The following PCDHA11 variants were observed in gnomAD, a reference collection of about 807,000 sequenced individuals.
The protein encoded by PCDHA11 is protocadherin alpha-11.
A neutral mutation model predicts 70.3 loss-of-function variants in PCDHA11; 61 were observed. The observed-to-expected ratio is 0.87, with a 90% confidence interval of 0.71 to 1.07. The LOEUF (loss-of-function observed/expected upper bound fraction) is 1.07. Among genes scored for constraint, PCDHA11 ranks in the 50% least tolerant of loss-of-function variants. The pLI, the probability that PCDHA11 is intolerant of heterozygous loss-of-function variation, is 0.00. For synonymous variants in PCDHA11, 633 were observed against 555.1 expected, an observed-to-expected ratio of 1.14 and a Z score of -1.97; for missense variants, 1,324 against 1,237.5, an observed-to-expected ratio of 1.07 and a Z score of -1.05.
At chr5:140,941,505 C>T (rs536733497) in intron 1 of PCDHA11, among the ~76,000 whole-genome samples, 11 of 151,390 alleles carry the variant, frequency 7.3e-5, no homozygotes, top group East Asian at 1.9e-4. Flanking sequence ...TTAGTAGAGA[C>T]GAGGTTTCAC....
At chr5:140,948,321 T>C (rs922752818) in intron 1 of PCDHA11, among the ~76,000 whole-genome samples, 7 of 151,748 alleles carry the variant, frequency 4.6e-5, no homozygotes, top group South Asian at 4.1e-4. Flanking sequence ...AGGGGTAATG[T>C]TTTCATTAGG....
At chr5:140,983,104 T>C (rs907787884) in intron 3 of PCDHA11, among the ~76,000 whole-genome samples, 3 of 152,234 alleles carry the variant, frequency 2.0e-5, no homozygotes, top group Admixed American at 1.3e-4. Flanking sequence ...TGCTTCTCTC[T>C]GCACATCAAC....
Position 140,967,279 on chromosome 5 carries a change from T to G in PCDHA11, c.2392-11670T>G, listed in dbSNP as rs184476796. The G allele has an allele frequency of 7.8e-5, 126 of 1,613,002 alleles. 1 individual carries two copies. The East Asian group carries it at 2.6e-3, about 34-fold the overall frequency. On this transcript the variant is annotated intron_variant, in intron 1 of 3. Coordinates refer to ENST00000398640, the MANE Select transcript of PCDHA11 (RefSeq NM_018902.5). ...CTGGAGCGCGCTTTCACATAGAGAGTGCGCAGGACCCCGACGTGGGCGCCA... is the reference window on the plus strand; with the variant it reads ...CTGGAGCGCGCTTTCACATAGAGAGGGCGCAGGACCCCGACGTGGGCGCCA...
chr5:140,946,611 A>AATATATATATATATATATAT lies in PCDHA11; in HGVS notation c.2392-32336_2392-32317dup, dbSNP rs1554217734. On this transcript the variant is annotated intron_variant, in intron 1 of 3. Transcript: ENST00000398640. ...GGATGAATAGATAAAGAAAATGTGA[A>AATATATATATATATATATAT]ATATATATATATATATATATACAAT... Among the ~76,000 whole-genome samples the AATATATATATATATATATAT allele has an allele frequency of 2.4e-3, 212 of 86,734 alleles. 8 individuals carry two copies. Among genetic ancestry groups the AATATATATATATATATATAT allele is most frequent in the Middle Eastern group, 0.011 (2 of 186 alleles). The allele number at this position is 86,734 out of a possible 152,430, so 56.9% of individuals were successfully genotyped here.
At chr5:140,969,385 C>A in intron 1 of PCDHA11, 1 of 1,598,120 alleles carries the variant, frequency 6.3e-7, no homozygotes, top group East Asian at 2.2e-5. Context: ...TTACACATCC[C>A]CCAATATCCT....
At chr5:140,922,661 T>C (rs1255153267) in intron 1 of PCDHA11, among the ~76,000 whole-genome samples, 2 of 152,156 alleles carry the variant, frequency 1.3e-5, no homozygotes, top group African/African-American at 4.8e-5. Context: ...ATGGCTATAC[T>C]GCAAGCAGTA....
chr5:140,963,680 T>G (rs1482854996), intron 1 of PCDHA11, among the ~76,000 whole-genome samples: 1 of 152,238 alleles, frequency 6.6e-6, no homozygotes, highest in African/African-American at 2.4e-5. Context: ...TTAAATGTGT[T>G]TATCCGTGTT....
At chr5:140,912,061 C>T (rs1321149990) in intron 1 of PCDHA11, among the ~76,000 whole-genome samples, 2 of 152,162 alleles carry the variant, frequency 1.3e-5, no homozygotes, top group Non-Finnish European at 2.9e-5. Context: ...AACTTGGAGT[C>T]CAATGTTCAA....
chr5:140,967,925 C>T, intron 1 of PCDHA11: 1 of 1,614,224 alleles, frequency 6.2e-7, no homozygotes, highest in South Asian at 1.1e-5. Context: ...TGTGGCCGTT[C>T]TCAGTGTCAA....
At position 140,943,494 on chromosome 5, in the gene PCDHA11, A is replaced by G. The variant is rs1046059269; in HGVS notation, c.2392-35455A>G. ...TACAGTAAAATAATAAATAGATGCT[A>G]TCAAGGTTCATGGAAATGTTGAGTT... is the stretch of plus-strand genomic sequence containing the variant. On this transcript the variant is annotated intron_variant, in intron 1 of 3. Transcript: ENST00000398640. Among the ~76,000 whole-genome samples, 4 of 152,132 alleles carry G rather than the reference A, an allele frequency of 2.6e-5. No homozygotes were observed. The East Asian group carries it at 5.8e-4, about 22-fold the overall frequency.
At chr5:140,928,809 G>A (rs1563109634) in intron 1 of PCDHA11, 2 of 1,614,078 alleles carry the variant, frequency 1.2e-6, no homozygotes, top group African/African-American at 2.7e-5. Flanking sequence ...TAGTGGTTCG[G>A]GACCATGGAG....
At chr5:140,889,632 C>T (rs265311) in intron 1 of PCDHA11, among the ~76,000 whole-genome samples, 138,318 of 152,176 alleles carry the variant, frequency 0.91, 63,092 homozygotes, top group East Asian at 1. Context: ...CTCTTCTTTT[C>T]ATTTGTGTTT....
In PCDHA11 at chr5:140,869,244, C is replaced by G. The variant is rs782454826; in HGVS notation, c.141C>G (p.Arg47=). 5.6e-6 allele frequency: 9 copies of G among 1,613,658 alleles called. 1 individual carries two copies. In the South Asian group the frequency reaches 7.7e-5, roughly 14 times the overall value. ...EEAKHGTFVG[R]IAQDLGLELA... ...CCAAACACGGCACCTTCGTGGGCCG[C>G]ATCGCGCAGGACCTGGGGCTGGAGC... The change falls in exon 1 of 4, where the codon CGC becomes CGG. Residue 47 remains arginine (R), a synonymous_variant. Coordinates refer to ENST00000398640, the MANE Select transcript of PCDHA11 (RefSeq NM_018902.5).
intron 1 of PCDHA11, chr5:140,926,758 G>C: frequency 2.3e-6 from 3 of 1,302,056 alleles, no homozygotes; most frequent in Non-Finnish European, 3.0e-6. Flanking sequence ...CGGTCGCTGA[G>C]TATCCAGCCC....
intron 1 of PCDHA11, among the ~76,000 whole-genome samples, chr5:140,945,463 A>G (rs1554216960): frequency 6.6e-6 from 1 of 152,166 alleles, no homozygotes; most frequent in African/African-American, 2.4e-5. Flanking sequence ...TAAAATTTGC[A>G]TGGAACCACA....
chr5:140,872,165 C>CT (rs781807025), intron 1 of PCDHA11, among the ~76,000 whole-genome samples: 5,631 of 144,184 alleles, frequency 0.039, 139 homozygotes, highest in African/African-American at 0.065. Flanking sequence ...ATTTACTTTT[C>CT]TTTTTTTTTT....
At chr5:140,936,773 C>T (rs916525557) in intron 1 of PCDHA11, among the ~76,000 whole-genome samples, 3 of 152,280 alleles carry the variant, frequency 2.0e-5, no homozygotes, top group African/African-American at 7.2e-5. Context: ...TGTAAGTTCT[C>T]TCACTTTGTT....
chr5:141,001,849 T>C (rs889682000), intron 3 of PCDHA11, among the ~76,000 whole-genome samples: 5 of 151,704 alleles, frequency 3.3e-5, no homozygotes, highest in African/African-American at 7.3e-5. Context: ...GAGAGAGAGG[T>C]TGATTAAATT....
chr5:140,999,885 G>A (rs1250861955), intron 3 of PCDHA11, among the ~76,000 whole-genome samples: 1 of 152,200 alleles, frequency 6.6e-6, no homozygotes, highest in Non-Finnish European at 1.5e-5. Context: ...TAGCCCAGCT[G>A]TAGCTTGGGA....
Sources: gnomAD v4.1 joint callset for allele counts (sites outside exome capture counted in the v4.1 genomes callset) on GRCh38, gnomAD v4.1.1 for gene constraint, MANE v1.5 for transcripts, NCBI Gene and HGNC (gene_info 2026-07-23, HGNC 2026-07-21) for gene names.